ADAMTS17: variants seen among roughly 807,000 people sequenced by gnomAD.
ADAMTS17 encodes the protein A disintegrin and metalloproteinase with thrombospondin motifs 17.
A neutral mutation model predicts 141.5 loss-of-function variants in ADAMTS17; 113 were observed. That is an observed-to-expected ratio of 0.80 (90% confidence interval 0.69 to 0.93). The LOEUF (loss-of-function observed/expected upper bound fraction) is 0.93. Among genes scored for constraint, ADAMTS17 ranks in the 40% least tolerant of loss-of-function variants. ADAMTS17 has a pLI of 0.00. For synonymous variants in ADAMTS17, 768 were observed against 630.6 expected (o/e 1.22, Z -3.27); for missense variants, 1,659 against 1,517.9 (o/e 1.09, Z -1.54).
At chr15:100,197,841 G>T (rs2041178472) in intron 8 of ADAMTS17, among the ~76,000 whole-genome samples, 1 of 152,178 alleles carries the variant, frequency 6.6e-6, no homozygotes, top group Non-Finnish European at 1.5e-5. Context: ...AAAACATGCA[G>T]CCATAAAAAT....
At chr15:100,220,510 G>C (rs1011761158) in intron 7 of ADAMTS17, among the ~76,000 whole-genome samples, 1 of 152,138 alleles carries the variant, frequency 6.6e-6, no homozygotes, top group African/African-American at 2.4e-5. Flanking sequence ...CGCTATTTTT[G>C]TATTAGGATA....
rs112239456 is a variant in ADAMTS17, at chr15:100,198,111, G to A, written c.1181+1207C>T. On this transcript the variant is annotated intron_variant, in intron 8 of 21. Transcript: ENST00000268070. Reference sequence around the variant, plus strand: ...TGGGTGCAGCAAACCACCATGGCACGTATATACCTATGTAACAAACCTGCA... The same window carrying A: ...TGGGTGCAGCAAACCACCATGGCACATATATACCTATGTAACAAACCTGCA... 3.9e-3 allele frequency among the ~76,000 whole-genome samples: 598 copies of A among 152,194 alleles called. 4 individuals are homozygous for A. The highest frequency in any genetic ancestry group is 0.014 in the African/African-American group (585 of 41,508).
intron 18 of ADAMTS17, among the ~76,000 whole-genome samples, chr15:100,034,675 C>A (rs547281249): frequency 6.6e-6 from 1 of 152,348 alleles, no homozygotes; most frequent in African/African-American, 2.4e-5. Flanking sequence ...ATTTAAGCCA[C>A]TAAGTCCCTC....
At chr15:100,275,641 C>A (rs1840361489) in intron 4 of ADAMTS17, among the ~76,000 whole-genome samples, 2 of 152,112 alleles carry the variant, frequency 1.3e-5, no homozygotes, top group South Asian at 4.1e-4. Flanking sequence ...CTGGCTGTGT[C>A]ACGTCCCCAA....
chr15:100,201,465 C>A (rs2041330892), intron 7 of ADAMTS17, among the ~76,000 whole-genome samples: 1 of 152,196 alleles, frequency 6.6e-6, no homozygotes, highest in South Asian at 2.1e-4. Context: ...CCTTTATAAA[C>A]TACCCAGTCT....
intron 8 of ADAMTS17, among the ~76,000 whole-genome samples, chr15:100,159,335 C>G (rs1769160965): frequency 6.6e-6 from 1 of 152,192 alleles, no homozygotes; most frequent in African/African-American, 2.4e-5. Flanking sequence ...ACCTTAAGGA[C>G]TTTATGTTAG....
intron 12 of ADAMTS17, among the ~76,000 whole-genome samples, chr15:100,118,906 G>C (rs2037304406): frequency 6.6e-6 from 1 of 152,144 alleles, no homozygotes; most frequent in South Asian, 2.1e-4. Context: ...CTAACCTCTA[G>C]TGCCTCAGAG....
At chr15:100,181,626 A>C (rs149405441) in intron 8 of ADAMTS17, among the ~76,000 whole-genome samples, 2 of 152,380 alleles carry the variant, frequency 1.3e-5, no homozygotes, top group East Asian at 3.9e-4. Flanking sequence ...GATATGGCCT[A>C]GAACGGGGGC....
intron 15 of ADAMTS17, among the ~76,000 whole-genome samples, chr15:100,078,271 C>A (rs991174381): frequency 6.6e-6 from 1 of 150,650 alleles, no homozygotes; most frequent in African/African-American, 2.4e-5. Flanking sequence ...GATGAAAATG[C>A]AACAGACCCA....
chr15:100,120,688 C>T (rs1012151365), intron 12 of ADAMTS17, among the ~76,000 whole-genome samples: 4 of 152,226 alleles, frequency 2.6e-5, no homozygotes, highest in African/African-American at 9.6e-5. Flanking sequence ...CAGGTTAATT[C>T]CTGATCCAGA....
intron 7 of ADAMTS17, among the ~76,000 whole-genome samples, chr15:100,243,569 C>A (rs2042891505): frequency 6.6e-6 from 1 of 152,150 alleles, no homozygotes. Flanking sequence ...GAGGGTGGAT[C>A]ACCTGAGGTC....
At chr15:99,990,250 G>T (rs760565916) in intron 20 of ADAMTS17, among the ~76,000 whole-genome samples, 1 of 152,040 alleles carries the variant, frequency 6.6e-6, no homozygotes, top group Non-Finnish European at 1.5e-5. Context: ...TGTTTCCCAG[G>T]CTGGTCTGGA....
At chr15:100,071,718 C>G (rs1226219004) in intron 15 of ADAMTS17, among the ~76,000 whole-genome samples, 1 of 150,346 alleles carries the variant, frequency 6.7e-6, no homozygotes, top group Non-Finnish European at 1.5e-5. Flanking sequence ...ACTCTTCATG[C>G]TAAAAACTCT....
chr15:100,267,702 G>T (rs563520077), intron 4 of ADAMTS17, among the ~76,000 whole-genome samples: 1 of 151,990 alleles, frequency 6.6e-6, no homozygotes, highest in Non-Finnish European at 1.5e-5. Context: ...CTAGTAGTCC[G>T]CAGTGTCTGC....
chr15:100,208,092 A>G (rs1187134915), intron 7 of ADAMTS17, among the ~76,000 whole-genome samples: 1 of 152,180 alleles, frequency 6.6e-6, no homozygotes, highest in Non-Finnish European at 1.5e-5. Flanking sequence ...GAGCTCTGGA[A>G]GCTTCCAGGT....
At chr15:100,183,585 T>C (rs914295668) in intron 8 of ADAMTS17, among the ~76,000 whole-genome samples, 2 of 152,240 alleles carry the variant, frequency 1.3e-5, no homozygotes, top group African/African-American at 4.8e-5. Flanking sequence ...ATTATTATGA[T>C]TTATAATCGT....
intron 15 of ADAMTS17, among the ~76,000 whole-genome samples, chr15:100,065,745 G>A (rs1225090860): frequency 6.6e-6 from 1 of 152,188 alleles, no homozygotes; most frequent in African/African-American, 2.4e-5. Flanking sequence ...GGATACATGT[G>A]CTGAATGTGC....
At chr15:100,145,984 C>G (rs1008268566) in intron 10 of ADAMTS17, among the ~76,000 whole-genome samples, 2 of 152,158 alleles carry the variant, frequency 1.3e-5, no homozygotes, top group Admixed American at 6.5e-5. Context: ...ACCAGCCTAG[C>G]CAACACGGTG....
At chr15:100,192,869 C>T (rs906845739) in intron 8 of ADAMTS17, among the ~76,000 whole-genome samples, 2 of 152,134 alleles carry the variant, frequency 1.3e-5, no homozygotes, top group African/African-American at 4.8e-5. Context: ...CCCAACCTTC[C>T]CTCCTCCCCA....
Sources: gnomAD v4.1 joint callset for allele counts (sites outside exome capture counted in the v4.1 genomes callset) on GRCh38, gnomAD v4.1.1 for gene constraint, MANE v1.5 for transcripts, NCBI Gene and HGNC (gene_info 2026-07-23, HGNC 2026-07-21) for gene names.